SRGAP3: variants seen among roughly 807,000 people sequenced by gnomAD.
The protein encoded by SRGAP3 is SLIT-ROBO Rho GTPase activating protein 3.
SRGAP3 carries 39 observed loss-of-function variants against 121.1 expected under a neutral mutation model. The observed-to-expected ratio is 0.32, with a 90% CI of 0.25 to 0.42. The LOEUF (loss-of-function observed/expected upper bound fraction) is 0.42, where lower values mean the gene tolerates loss of function less well. Ranked by LOEUF, SRGAP3 falls within the 10% of genes least tolerant of loss-of-function variation. SRGAP3 has a pLI of 1.00. For missense variants in SRGAP3, 1,213 were observed against 1,470.6 expected, an observed-to-expected ratio of 0.82 and a Z score of 2.86; for synonymous variants, 601 against 570.0, an observed-to-expected ratio of 1.05 and a Z score of -0.77.
chr3:9,357,940 TC>T (rs556005731), intron 1 of SRGAP3, among the ~76,000 whole-genome samples: 138 of 152,036 alleles, frequency 9.1e-4, no homozygotes, highest in Non-Finnish European at 1.7e-3. Context: ...AGTGGCACAA[TC>T]CCGGCTCATT....
Position 9,026,999 on chromosome 3 carries a change from G to C in SRGAP3, c.1540-4C>G, listed in dbSNP as rs769855930. The stretch of plus-strand genomic sequence containing the variant: ...GCGGTATAGCTTGTCCTGAATCCTT[G>C]AGAAAAGAAAAATTGTGAGTTTTAT... On this transcript the variant is annotated splice_polypyrimidine_tract_variant and splice_region_variant and intron_variant, in intron 12 of 21. Coordinates refer to ENST00000383836, the MANE Select transcript of SRGAP3 (RefSeq NM_014850.4). The C allele has an allele frequency of 7.4e-6, 12 of 1,614,138 alleles. No individual in the cohort carries two copies. The highest frequency in any genetic ancestry group is 1.0e-5 in the Non-Finnish European group (12 of 1,180,000).
chr3:9,361,576 C>G (rs543030437), intron 1 of SRGAP3, among the ~76,000 whole-genome samples: 7 of 152,114 alleles, frequency 4.6e-5, no homozygotes, highest in African/African-American at 9.7e-5. Flanking sequence ...GCCAAGGAGA[C>G]CCTAGAAAAA....
intron 3 of SRGAP3, among the ~76,000 whole-genome samples, chr3:9,256,341 C>G (rs1023470151): frequency 1.1e-4 from 16 of 152,326 alleles, no homozygotes; most frequent in African/African-American, 3.8e-4. Flanking sequence ...AACACCCAAG[C>G]CCTTGACTAC....
At chr3:9,243,571 G>C (rs748977877) in intron 1 of SRGAP3, among the ~76,000 whole-genome samples, 16 of 151,044 alleles carry the variant, frequency 1.1e-4, no homozygotes, top group African/African-American at 3.2e-4. Flanking sequence ...GGAGGCAGAG[G>C]TTATAGTGAG....
At chr3:8,988,167 CAG>C (rs1184818677) in intron 21 of SRGAP3, among the ~76,000 whole-genome samples, 4 of 152,182 alleles carry the variant, frequency 2.6e-5, no homozygotes, top group Admixed American at 6.5e-5. Flanking sequence ...CCCTGGGAGA[CAG>C]AGTGGGGACC....
At chr3:9,346,061 T>C (rs1433198107) in intron 1 of SRGAP3, among the ~76,000 whole-genome samples, 1 of 152,194 alleles carries the variant, frequency 6.6e-6, no homozygotes, top group Non-Finnish European at 1.5e-5. Flanking sequence ...AAATTTTATA[T>C]TCACAAAAAA....
intron 2 of SRGAP3, among the ~76,000 whole-genome samples, chr3:9,123,405 TACATAC>T (rs55713866): frequency 4.0e-3 from 7 of 1,752 alleles, no homozygotes; most frequent in Admixed American, 0.019. Flanking sequence ...ACAATACACA[TACATAC>T]ACATACATGG....
chr3:9,341,322 T>C (rs1190076686), intron 1 of SRGAP3, among the ~76,000 whole-genome samples: 1 of 152,048 alleles, frequency 6.6e-6, no homozygotes, highest in Admixed American at 6.5e-5. Context: ...CCCAGTCCAG[T>C]AGGATTTTCT....
chr3:9,327,356 G>A (rs1026782832), intron 2 of SRGAP3, among the ~76,000 whole-genome samples: 12 of 149,706 alleles, frequency 8.0e-5, no homozygotes, highest in Admixed American at 2.0e-4. Context: ...TAAACCTTCC[G>A]TAACTTGTTC....
At chr3:9,131,420 G>C (rs967727202) in intron 1 of SRGAP3, among the ~76,000 whole-genome samples, 1 of 151,200 alleles carries the variant, frequency 6.6e-6, no homozygotes, top group Non-Finnish European at 1.5e-5. Flanking sequence ...CCAGAGAAGG[G>C]GAAGATCTAA....
At chr3:9,039,148 C>T (rs2662079) in intron 10 of SRGAP3, among the ~76,000 whole-genome samples, 25,818 of 152,176 alleles carry the variant, frequency 0.17, 2,352 homozygotes, top group Middle Eastern at 0.21. Context: ...CTGTCCTTAT[C>T]GTACCTGACC....
intron 3 of SRGAP3, among the ~76,000 whole-genome samples, chr3:9,303,553 A>C (rs1323179493): frequency 6.6e-6 from 1 of 152,166 alleles, no homozygotes; most frequent in Non-Finnish European, 1.5e-5. Context: ...CATCTTGCAT[A>C]CCTGAAATTT....
chr3:9,347,827 C>T (rs1955934638), intron 1 of SRGAP3, among the ~76,000 whole-genome samples: 1 of 152,198 alleles, frequency 6.6e-6, no homozygotes, highest in Non-Finnish European at 1.5e-5. Flanking sequence ...TGCACTTCGA[C>T]AGGGATTCTG....
intron 1 of SRGAP3, chr3:9,348,356 G>A (rs1955944535): frequency 4.3e-6 from 2 of 460,874 alleles, no homozygotes; most frequent in African/African-American, 2.0e-5. Context: ...AAGGGAGAAA[G>A]ACTAAAAGTA....
chr3:9,230,590 G>C (rs116520347), intron 1 of SRGAP3, among the ~76,000 whole-genome samples: 1 of 152,156 alleles, frequency 6.6e-6, no homozygotes, highest in African/African-American at 2.4e-5. Flanking sequence ...CATGGATTTG[G>C]GCAGGCACAG....
chr3:9,096,076 A>G (rs1947954668), intron 3 of SRGAP3, among the ~76,000 whole-genome samples: 1 of 152,194 alleles, frequency 6.6e-6, no homozygotes. Context: ...ATCTCAAAAA[A>G]ACAAACAAAC....
intron 1 of SRGAP3, among the ~76,000 whole-genome samples, chr3:9,155,940 C>T (rs1310592268): frequency 1.3e-5 from 2 of 152,142 alleles, no homozygotes; most frequent in African/African-American, 2.4e-5. Context: ...CTCAGCCTCC[C>T]GAGTAGCTGG....
chr3:9,049,424 A>G (rs756308061), intron 9 of SRGAP3: 4 of 455,972 alleles, frequency 8.8e-6, no homozygotes, highest in Non-Finnish European at 1.8e-5. Flanking sequence ...TTTAAGCCTC[A>G]TCAGAGTCTT....
At chr3:9,011,952 C>T (rs1004864746) in intron 17 of SRGAP3, among the ~76,000 whole-genome samples, 1 of 152,192 alleles carries the variant, frequency 6.6e-6, no homozygotes, top group African/African-American at 2.4e-5. Context: ...CTTCCCAGAA[C>T]ACTAATTACA....
Sources: allele counts gnomAD v4.1 joint callset (sites outside exome capture counted in the v4.1 genomes callset), GRCh38; gene constraint gnomAD v4.1.1; transcripts MANE v1.5; gene names NCBI Gene and HGNC (gene_info 2026-07-23, HGNC 2026-07-21).